Variants in RANBP2 observed in about 807,000 individuals in gnomAD.
RANBP2 encodes the protein RAN binding protein 2.
RANBP2 carries 57 observed loss-of-function variants against 303.6 expected under a neutral mutation model. That is an observed-to-expected ratio of 0.19 (90% CI 0.15 to 0.23). The LOEUF is 0.23. RANBP2 is among the 10% of genes least tolerant of loss of function. The pLI, the probability that RANBP2 is intolerant of heterozygous loss-of-function variation, is 1.00. For missense variants in RANBP2, 3,138 were observed against 3,780.8 expected, an observed-to-expected ratio of 0.83 and a Z score of 4.46; for synonymous variants, 1,167 against 1,301.5, an observed-to-expected ratio of 0.90 and a Z score of 2.23.
At chr2:109,398,162 G>A in the RANBP2 span, among the ~76,000 whole-genome samples, 1 of 152,190 alleles carries the variant, frequency 6.6e-6, no homozygotes, top group Non-Finnish European at 1.5e-5. Context: ...CCGGGGACCT[G>A]CAGTGCTCAG....
At chr2:109,078,372 C>T in the RANBP2 span, among the ~76,000 whole-genome samples, 13 of 142,482 alleles carry the variant, frequency 9.1e-5, 1 homozygote, top group South Asian at 2.3e-4. Context: ...TTTGCAACAA[C>T]GTGGGACATT....
the RANBP2 span, among the ~76,000 whole-genome samples, chr2:109,344,176 G>A: frequency 1.3e-5 from 2 of 152,192 alleles, no homozygotes; most frequent in Non-Finnish European, 2.9e-5. Flanking sequence ...GGGTCCTGGG[G>A]TCATCAGAGT....
At chr2:109,630,326 C>G in the RANBP2 span, among the ~76,000 whole-genome samples, 10 of 152,188 alleles carry the variant, frequency 6.6e-5, no homozygotes, top group Non-Finnish European at 1.5e-4. Flanking sequence ...CCAGAGCCAG[C>G]ACTCCTCTAT....
At chr2:109,438,914 G>GGT in the RANBP2 span, among the ~76,000 whole-genome samples, 1 of 152,150 alleles carries the variant, frequency 6.6e-6, no homozygotes, top group African/African-American at 2.4e-5. Context: ...CAATCAGCCC[G>GGT]GTGTTCTGTA....
chr2:109,794,579 C>T, the RANBP2 span: 1 of 915,348 alleles, frequency 1.1e-6, no homozygotes, highest in African/African-American at 1.9e-5. Flanking sequence ...CTCGACCCGG[C>T]CGGGGGGCGG....
chr2:108,845,571 A>ATT, the RANBP2 span, among the ~76,000 whole-genome samples: 1 of 111,714 alleles, frequency 9.0e-6, no homozygotes. Context: ...CTTTCATTTG[A>ATT]TTTTTTTTTT....
At chr2:109,509,771 C>G in the RANBP2 span, among the ~76,000 whole-genome samples, 1 of 151,988 alleles carries the variant, frequency 6.6e-6, no homozygotes, top group Non-Finnish European at 1.5e-5. Flanking sequence ...TTAATTTAAT[C>G]TCCAAGCAGA....
chr2:109,296,838 C>T, the RANBP2 span, among the ~76,000 whole-genome samples: 9 of 152,254 alleles, frequency 5.9e-5, no homozygotes, highest in South Asian at 1.9e-3. Flanking sequence ...CCAGTGGCCC[C>T]CAAGGCGTCT....
At chr2:108,867,210 G>C in the RANBP2 span, among the ~76,000 whole-genome samples, 1 of 152,110 alleles carries the variant, frequency 6.6e-6, no homozygotes, top group Non-Finnish European at 1.5e-5. Context: ...CCAGGGCAGT[G>C]ATAAGAGGAA....
chr2:109,779,073 TTTCCTTA>T, the RANBP2 span, among the ~76,000 whole-genome samples: 15 of 138,826 alleles, frequency 1.1e-4, no homozygotes, highest in Admixed American at 6.3e-4. Flanking sequence ...CTTTCTGTGG[TTTCCTTA>T]ACATATAAAC....
chr2:108,912,293 A>G, the RANBP2 span, among the ~76,000 whole-genome samples: 1 of 152,220 alleles, frequency 6.6e-6, no homozygotes. Context: ...GCAAGTTAAT[A>G]TTAAAGTGCT....
At chr2:109,613,019 A>G in the RANBP2 span, 2 of 509,720 alleles carry the variant, frequency 3.9e-6, no homozygotes, top group Non-Finnish European at 3.6e-6. Flanking sequence ...GATGAAAACC[A>G]CCAATGTTTA....
At chr2:109,272,057 C>T in the RANBP2 span, among the ~76,000 whole-genome samples, 2 of 152,186 alleles carry the variant, frequency 1.3e-5, no homozygotes, top group Non-Finnish European at 1.5e-5. Context: ...CCTGTCCCAT[C>T]CCTGTGTCAT....
the RANBP2 span, among the ~76,000 whole-genome samples, chr2:109,555,624 G>A: frequency 7.2e-4 from 109 of 152,304 alleles, no homozygotes; most frequent in African/African-American, 2.3e-3. Context: ...GGGCAGTCAC[G>A]ACCCAGGCAC....
the RANBP2 span, among the ~76,000 whole-genome samples, chr2:109,208,761 G>C: frequency 6.6e-6 from 1 of 152,204 alleles, no homozygotes; most frequent in South Asian, 2.1e-4. Context: ...GAGGAAGTGA[G>C]GTCAAGGGAA....
At chr2:109,413,863 C>A in the RANBP2 span, among the ~76,000 whole-genome samples, 3 of 152,238 alleles carry the variant, frequency 2.0e-5, no homozygotes, top group African/African-American at 7.2e-5. Context: ...ACACTGGGGT[C>A]TTCCGCATCC....
intron 2 of RANBP2, among the ~76,000 whole-genome samples, chr2:108,729,565 G>A (rs963053462): frequency 2.6e-5 from 4 of 152,128 alleles, no homozygotes; most frequent in African/African-American, 4.8e-5. Flanking sequence ...AAATTAAACC[G>A]TAATTGTAAG....
At chr2:109,603,702 G>A in the RANBP2 span, among the ~76,000 whole-genome samples, 1 of 152,138 alleles carries the variant, frequency 6.6e-6, no homozygotes, top group Non-Finnish European at 1.5e-5. Flanking sequence ...AGGGTATAAT[G>A]AAATCTACAT....
chr2:109,472,452 C>T, the RANBP2 span, among the ~76,000 whole-genome samples: 1 of 152,186 alleles, frequency 6.6e-6, no homozygotes, highest in African/African-American at 2.4e-5. Flanking sequence ...CCCGACGGGG[C>T]TTCCCGTCAG....
Sources: allele counts gnomAD v4.1 joint callset (sites outside exome capture counted in the v4.1 genomes callset), GRCh38; gene constraint gnomAD v4.1.1; transcripts MANE v1.5; gene names NCBI Gene and HGNC (gene_info 2026-07-23, HGNC 2026-07-21).